The following TMEM108 variants were observed in gnomAD, a reference collection of about 807,000 sequenced individuals.
The protein encoded by TMEM108 is transmembrane protein 108.
Under a neutral mutation model 35.1 loss-of-function variants are expected in TMEM108, and 12 were observed. That is an observed-to-expected ratio of 0.34 (90% confidence interval 0.22 to 0.55). The LOEUF is 0.55. TMEM108 is among the 20% of genes least tolerant of loss of function. TMEM108 has a pLI of 0.89. For synonymous variants in TMEM108, 287 were observed against 308.6 expected (o/e 0.93, Z 0.73); for missense variants, 680 against 753.3 (o/e 0.90, Z 1.14).
At chr3:133,278,535 C>T (rs554638000) in intron 3 of TMEM108, among the ~76,000 whole-genome samples, 13 of 152,314 alleles carry the variant, frequency 8.5e-5, no homozygotes, top group South Asian at 6.2e-4. Context: ...TACACACCTA[C>T]GCTCTATGGA....
rs571210221 is a variant in TMEM108, at chr3:133,083,193, C to T, written c.-47+37173C>T. 8.4e-4 allele frequency among the ~76,000 whole-genome samples: 121 copies of T among 144,886 alleles called. 1 individual carries two copies. In the Middle Eastern group the frequency reaches 0.01, roughly 12 times the overall value. ...AAGCCCCCCCCCACCCCCCGCCGCC[C>T]CACTCCTCAGCCTGGCTTGACTGTT... On this transcript the variant is annotated intron_variant, in intron 2 of 5. Transcript: ENST00000321871.
intron 3 of TMEM108, among the ~76,000 whole-genome samples, chr3:133,320,757 A>G (rs1027610797): frequency 1.3e-5 from 2 of 152,190 alleles, no homozygotes; most frequent in Non-Finnish European, 2.9e-5. Context: ...AAATCTTAAG[A>G]GCTGTGAGGC....
chr3:133,067,729 A>C (rs1299757387), intron 2 of TMEM108, among the ~76,000 whole-genome samples: 1 of 152,210 alleles, frequency 6.6e-6, no homozygotes, highest in Non-Finnish European at 1.5e-5. Context: ...GTATGTGATA[A>C]GTTAAAATGC....
intron 2 of TMEM108, among the ~76,000 whole-genome samples, chr3:133,102,150 C>A (rs1319354017): frequency 3.3e-5 from 5 of 152,146 alleles, no homozygotes; most frequent in Non-Finnish European, 7.3e-5. Context: ...GCACACATGC[C>A]CCTCAACTGG....
chr3:133,339,372 A>G (rs1396817338), intron 3 of TMEM108, among the ~76,000 whole-genome samples: 1 of 152,004 alleles, frequency 6.6e-6, no homozygotes, highest in Non-Finnish European at 1.5e-5. Flanking sequence ...AGGTCACTAT[A>G]TAATGATAAG....
At chr3:133,345,206 A>G (rs1029452265) in intron 3 of TMEM108, among the ~76,000 whole-genome samples, 9 of 151,890 alleles carry the variant, frequency 5.9e-5, no homozygotes, top group Non-Finnish European at 1.2e-4. Context: ...GTTTTGTCAA[A>G]TTATATACAT....
intron 2 of TMEM108, among the ~76,000 whole-genome samples, chr3:133,185,838 G>A (rs1945413065): frequency 6.9e-6 from 1 of 145,318 alleles, no homozygotes; most frequent in Non-Finnish European, 1.5e-5. Context: ...CATGAACTCA[G>A]CTCACTGCAA....
chr3:133,284,056 C>T (rs1406660529), intron 3 of TMEM108, among the ~76,000 whole-genome samples: 1 of 152,182 alleles, frequency 6.6e-6, no homozygotes, highest in Non-Finnish European at 1.5e-5. Context: ...GACCACTGGG[C>T]TATTAGAGAT....
intron 3 of TMEM108, among the ~76,000 whole-genome samples, chr3:133,322,716 AAAG>A (rs1228518792): frequency 2.6e-5 from 4 of 152,152 alleles, no homozygotes; most frequent in African/African-American, 9.7e-5. Flanking sequence ...ACATAACAAA[AAAG>A]AAAACTACAG....
intron 3 of TMEM108, among the ~76,000 whole-genome samples, chr3:133,269,405 G>A (rs1946741502): frequency 6.6e-6 from 1 of 152,166 alleles, no homozygotes; most frequent in Admixed American, 6.5e-5. Context: ...AGACCTCCCA[G>A]AGCCTTAGTC....
chr3:133,224,147 T>G (rs1056211052), intron 2 of TMEM108, among the ~76,000 whole-genome samples: 4 of 152,220 alleles, frequency 2.6e-5, no homozygotes, highest in African/African-American at 9.7e-5. Context: ...TATTGATCAT[T>G]TATTTATTCA....
intron 4 of TMEM108, chr3:133,386,698 G>A (rs1409304240): frequency 7.9e-6 from 11 of 1,387,156 alleles, no homozygotes; most frequent in Non-Finnish European, 1.0e-5. Context: ...AATGGGAAAG[G>A]GAACAGTTAA....
intron 2 of TMEM108, among the ~76,000 whole-genome samples, chr3:133,160,614 C>T (rs1254329507): frequency 6.6e-6 from 1 of 152,206 alleles, no homozygotes; most frequent in African/African-American, 2.4e-5. Context: ...TTTCCATTTA[C>T]AGAAAAATTG....
At chr3:133,360,592 C>A (rs963777378) in intron 3 of TMEM108, among the ~76,000 whole-genome samples, 20 of 152,174 alleles carry the variant, frequency 1.3e-4, no homozygotes, top group African/African-American at 4.8e-4. Flanking sequence ...AAAACTAGTT[C>A]TGCAGAAGCA....
At chr3:133,101,424 A>G (rs1176540122) in intron 2 of TMEM108, among the ~76,000 whole-genome samples, 1 of 152,192 alleles carries the variant, frequency 6.6e-6, no homozygotes, top group African/African-American at 2.4e-5. Flanking sequence ...TCCTTCTTAC[A>G]TAGGAATTCA....
At chr3:133,358,327 A>G (rs572430129) in intron 3 of TMEM108, among the ~76,000 whole-genome samples, 41 of 152,104 alleles carry the variant, frequency 2.7e-4, no homozygotes, top group African/African-American at 9.9e-4. Context: ...GCGAACCACT[A>G]CGCCTGGCTA....
intron 2 of TMEM108, among the ~76,000 whole-genome samples, chr3:133,216,642 A>G (rs1469453168): frequency 1.3e-5 from 2 of 151,972 alleles, no homozygotes; most frequent in African/African-American, 2.4e-5. Flanking sequence ...CTCTGCTTCT[A>G]TTAGTTCAAC....
At chr3:133,300,045 G>A (rs1947198077) in intron 3 of TMEM108, among the ~76,000 whole-genome samples, 1 of 152,112 alleles carries the variant, frequency 6.6e-6, no homozygotes, top group South Asian at 2.1e-4. Flanking sequence ...GTGTGTTAAT[G>A]GCATAGTTAG....
At chr3:133,115,106 A>C (rs1203362667) in intron 2 of TMEM108, among the ~76,000 whole-genome samples, 1 of 152,246 alleles carries the variant, frequency 6.6e-6, no homozygotes, top group African/African-American at 2.4e-5. Context: ...TTTATCTTTC[A>C]AGATTTTTCT....
Sources: gnomAD v4.1 joint callset for allele counts (sites outside exome capture counted in the v4.1 genomes callset) on GRCh38, gnomAD v4.1.1 for gene constraint, MANE v1.5 for transcripts, NCBI Gene and HGNC (gene_info 2026-07-23, HGNC 2026-07-21) for gene names.